Variants in ASIC2 observed in about 807,000 individuals in gnomAD.
ASIC2 encodes acid-sensing ion channel 2.
In ASIC2, 25 loss-of-function variants were observed where a neutral mutation model predicts 57.3. The ratio of observed to expected loss-of-function variants is 0.44; its 90% CI spans 0.32 to 0.61. The LOEUF (loss-of-function observed/expected upper bound fraction) is 0.61, where lower values mean the gene tolerates loss of function less well. Ranked by LOEUF, ASIC2 falls within the 20% of genes least tolerant of loss-of-function variation. The pLI is 0.06. For missense variants in ASIC2, 641 were observed against 738.1 expected (o/e 0.87, Z 1.52); for synonymous variants, 319 against 307.5 (o/e 1.04, Z -0.39).
chr17:33,322,667 C>T (rs1175879075), intron 1 of ASIC2, among the ~76,000 whole-genome samples: 1 of 152,088 alleles, frequency 6.6e-6, no homozygotes, highest in African/African-American at 2.4e-5. Context: ...TACCTCCTTC[C>T]AACAATGTTA....
chr17:34,039,207 G>A lies in ASIC2; in HGVS notation c.555+116771C>T, dbSNP rs540973764. ...TCTTCTCTAAGTCAGAATTCTTACTGTTTTCTAGTGCAGATATTTTTTCTA... is the reference window on the plus strand; with the variant it reads ...TCTTCTCTAAGTCAGAATTCTTACTATTTTCTAGTGCAGATATTTTTTCTA... On this transcript the variant is annotated intron_variant, in intron 1 of 9. Coordinates refer to the ASIC2 transcript ENST00000359872. 6 of 1,613,898 alleles carry A rather than the reference G, an allele frequency of 3.7e-6. No individual in the cohort carries two copies. The African/African-American group carries it at 6.7e-5, about 18-fold the overall frequency.
intron 7 of ASIC2, among the ~76,000 whole-genome samples, chr17:33,018,467 A>G (rs1015687549): frequency 4.6e-5 from 7 of 152,250 alleles, no homozygotes; most frequent in Non-Finnish European, 7.3e-5. Context: ...GGAGGACTTC[A>G]GATGGCTGGA....
At chr17:33,663,710 T>C (rs1484592011) in intron 1 of ASIC2, among the ~76,000 whole-genome samples, 1 of 152,190 alleles carries the variant, frequency 6.6e-6, no homozygotes, top group Non-Finnish European at 1.5e-5. Flanking sequence ...ACACAGACTG[T>C]AATTTTAAAA....
In ASIC2 at chr17:33,072,752, A is replaced by G. The variant is rs137970256; in HGVS notation, c.987+16111T>C. 2.0e-3 allele frequency among the ~76,000 whole-genome samples: 306 copies of G among 152,310 alleles called. 2 individuals carry two copies. Among genetic ancestry groups the G allele is most frequent in the East Asian group, 0.015 (77 of 5,182 alleles). ...GAACTATAACCAGGACCTCTGTCCT[A>G]GACTCTAGGGATGGATTTGCTGCTT... is the stretch of plus-strand genomic sequence containing the variant. On this transcript the variant is annotated intron_variant, in intron 3 of 9. Coordinates refer to ENST00000225823, the MANE Select transcript of ASIC2 (RefSeq NM_183377.2).
intron 1 of ASIC2, among the ~76,000 whole-genome samples, chr17:33,658,084 C>T (rs1288172728): frequency 2.0e-5 from 3 of 152,216 alleles, no homozygotes; most frequent in South Asian, 4.1e-4. Flanking sequence ...GAGGCCTCAC[C>T]TGAGCCTGCT....
At chr17:33,377,703 G>A (rs1314686829) in intron 1 of ASIC2, among the ~76,000 whole-genome samples, 2 of 152,214 alleles carry the variant, frequency 1.3e-5, no homozygotes, top group African/African-American at 4.8e-5. Flanking sequence ...TCTAGGCTCA[G>A]CTCAAACAAT....
chr17:33,150,419 A>G (rs535136210), intron 1 of ASIC2, among the ~76,000 whole-genome samples: 41 of 152,230 alleles, frequency 2.7e-4, no homozygotes, highest in Non-Finnish European at 5.3e-4. Flanking sequence ...CTCCAAAGGA[A>G]TGCTCAAATC....
At chr17:33,623,236 G>GT (rs770813988) in intron 1 of ASIC2, among the ~76,000 whole-genome samples, 20 of 129,226 alleles carry the variant, frequency 1.5e-4, no homozygotes, top group Admixed American at 3.1e-4. Flanking sequence ...TTGTGATATC[G>GT]TTTTTTTTTG....
intron 1 of ASIC2, among the ~76,000 whole-genome samples, chr17:33,326,531 C>T (rs1907085396): frequency 6.6e-6 from 1 of 152,134 alleles, no homozygotes; most frequent in Non-Finnish European, 1.5e-5. Flanking sequence ...CAGTGAAGAG[C>T]TGAATGTAAG....
chr17:33,092,411 T>C (rs1267662707), intron 2 of ASIC2, among the ~76,000 whole-genome samples: 1 of 152,244 alleles, frequency 6.6e-6, no homozygotes, highest in African/African-American at 2.4e-5. Context: ...ATGTAGACTG[T>C]TAGAGCCAAG....
At chr17:33,577,711 A>C (rs1378635281) in intron 1 of ASIC2, among the ~76,000 whole-genome samples, 1 of 152,140 alleles carries the variant, frequency 6.6e-6, no homozygotes, top group African/African-American at 2.4e-5. Flanking sequence ...GGAATTAGCC[A>C]CCAACTGAGA....
At chr17:33,594,548 G>T (rs1904921124) in intron 1 of ASIC2, among the ~76,000 whole-genome samples, 1 of 149,826 alleles carries the variant, frequency 6.7e-6, no homozygotes, top group African/African-American at 2.5e-5. Flanking sequence ...CTCTGTTTAG[G>T]CTGGGCACAG....
rs148182324 is a variant in ASIC2, at chr17:33,355,950, G to A, written c.556-243883C>T. 3.9e-5 allele frequency among the ~76,000 whole-genome samples: 6 copies of A among 152,286 alleles called. 1 individual carries two copies. Among genetic ancestry groups the A allele is most frequent in the Middle Eastern group, 6.8e-3 (2 of 294 alleles). ...AAAGGGATCCCAGAGAAGGGTAAAC[G>A]AACCTAGACCTGGAGCTAGGGGTAG... On this transcript the variant is annotated intron_variant, in intron 1 of 9. Coordinates refer to the ASIC2 transcript ENST00000359872.
chr17:33,303,232 T>A (rs1220258552), intron 1 of ASIC2, among the ~76,000 whole-genome samples: 1 of 152,138 alleles, frequency 6.6e-6, no homozygotes, highest in South Asian at 2.1e-4. Context: ...GGTGGTGGCA[T>A]AGTTCAGAGT....
At chr17:33,015,561 A>C (rs1220547560) in intron 9 of ASIC2, among the ~76,000 whole-genome samples, 1 of 152,220 alleles carries the variant, frequency 6.6e-6, no homozygotes, top group Admixed American at 6.5e-5. Flanking sequence ...ATGGGGCTCC[A>C]TACTCTATCC....
intron 1 of ASIC2, among the ~76,000 whole-genome samples, chr17:33,202,044 A>C (rs1303476124): frequency 6.6e-6 from 1 of 151,386 alleles, no homozygotes; most frequent in Non-Finnish European, 1.5e-5. Flanking sequence ...AAAGAAAAAG[A>C]AAAGAAAAAA....
intron 1 of ASIC2, chr17:34,041,499 C>G (rs1363932834): frequency 2.6e-5 from 4 of 152,150 alleles, no homozygotes; most frequent in Non-Finnish European, 5.9e-5. Context: ...GTTATAAACT[C>G]CACCTCCCCT....
intron 1 of ASIC2, among the ~76,000 whole-genome samples, chr17:34,109,123 C>T (rs1016991358): frequency 1.3e-5 from 2 of 151,056 alleles, no homozygotes; most frequent in South Asian, 4.2e-4. Context: ...ATGTGTTAAC[C>T]TATTAAAGTG....
chr17:33,418,919 G>C (rs535292395), intron 1 of ASIC2, among the ~76,000 whole-genome samples: 18 of 151,222 alleles, frequency 1.2e-4, no homozygotes, highest in Non-Finnish European at 8.8e-5. Context: ...ACACGGACAC[G>C]GGGGAGGGGA....
Sources: gnomAD v4.1 joint callset for allele counts (sites outside exome capture counted in the v4.1 genomes callset) on GRCh38, gnomAD v4.1.1 for gene constraint, MANE v1.5 for transcripts, NCBI Gene and HGNC (gene_info 2026-07-23, HGNC 2026-07-21) for gene names.